ZNF280A: variants seen among roughly 807,000 people sequenced by gnomAD.
ZNF280A encodes the protein suppressor of hairy wing homolog 1.
A neutral mutation model predicts 35.9 loss-of-function variants in ZNF280A; 26 were observed. The observed-to-expected ratio is 0.72, with a 90% confidence interval of 0.53 to 1.01. ZNF280A has a LOEUF of 1.01. Among genes scored for constraint, ZNF280A ranks in the 50% least tolerant of loss-of-function variants. ZNF280A has a pLI of 0.00. For synonymous variants in ZNF280A, 231 were observed against 232.9 expected, an observed-to-expected ratio of 0.99 and a Z score of 0.07; for missense variants, 654 against 652.0, an observed-to-expected ratio of 1.00 and a Z score of -0.03.
Position 22,514,731 on chromosome 22 carries a change from G to A in ZNF280A, c.900C>T (p.Cys300=). Residue 300 remains cysteine, a synonymous_variant, in exon 2 of 2, where the codon TGC becomes TGT. Coordinates refer to ENST00000302097, the MANE Select transcript of ZNF280A (RefSeq NM_080740.5). ...PEQKTHTTFK[C]LSCVKVLKNI... ...TTTTTAGAACTTTCACGCAGCTGAG[G>A]CATTTAAAGGTGGTGTGAGTCTTCT... 6.2e-7 allele frequency: 1 copy of A among 1,613,914 alleles called. No individual in the cohort carries two copies. The highest frequency in any genetic ancestry group is 8.5e-7 in the Non-Finnish European group (1 of 1,179,966).
Position 22,514,316 on chromosome 22 carries a change from TG to T in ZNF280A, c.1314del (p.Tyr438Ter), listed in dbSNP as rs1243709554. On this transcript the variant is annotated frameshift_variant, in exon 2 of 2. Transcript: ENST00000302097. LOFTEE classifies it high-confidence loss of function. ...CLKLFKTAIPYMNHCWRHSRR... is the reference protein window; with the variant it reads ...CLKLFKTAIPXMNHCWRHSRR... Reference sequence around the variant, plus strand: ...CTGCTGTGCCTCCAACAATGATTCATGTATGGTATTGCAGTTTTGAAAAGTT... The same window carrying T: ...CTGCTGTGCCTCCAACAATGATTCATTATGGTATTGCAGTTTTGAAAAGTT... The T allele has an allele frequency of 1.9e-6, 3 of 1,613,828 alleles. No homozygotes were observed. The Admixed American group carries it at 5.0e-5, about 27-fold the overall frequency.
At position 22,516,296 on chromosome 22, in the gene ZNF280A, A is replaced by AACACACACACACACACACAC. The variant is rs1555948002; in HGVS notation, c.-71-596_-71-595insGTGTGTGTGTGTGTGTGTGT. ...ACAAACACACACACACACAAATCACAGCACACACACACACACACACCCTTT... is the reference window on the plus strand; with the variant it reads ...ACAAACACACACACACACAAATCACAACACACACACACACACACACGCACACACACACACACACACCCTTT... On this transcript the variant is annotated intron_variant, in intron 1 of 1. Coordinates refer to ENST00000302097, the MANE Select transcript of ZNF280A (RefSeq NM_080740.5). Among the ~76,000 whole-genome samples the AACACACACACACACACACAC allele has an allele frequency of 7.3e-4, 109 of 149,392 alleles. 1 individual carries two copies. Among genetic ancestry groups the AACACACACACACACACACAC allele is most frequent in the Middle Eastern group, 3.6e-3 (1 of 280 alleles).
At position 22,514,347 on chromosome 22, in the gene ZNF280A, A is replaced by G; in HGVS notation, c.1284T>C (p.Cys428=). The change falls in exon 2 of 2, where the codon TGT becomes TGC. Residue 428 remains cysteine, a synonymous_variant. Transcript: ENST00000302097. ...ENTKNLLCLF[C]LKLFKTAIPY... is the part of the protein sequence containing the mutation. ...GTATTGCAGTTTTGAAAAGTTTGAG[A>G]CAAAACAGACAAAGCAAATTCTTTG... The G allele has an allele frequency of 6.2e-7, 1 of 1,613,958 alleles. No homozygotes were observed. The highest frequency in any genetic ancestry group is 8.5e-7 in the Non-Finnish European group (1 of 1,179,982).
chr22:22,514,050 A>G lies in ZNF280A; in HGVS notation c.1581T>C (p.Ala527=), dbSNP rs555366909. ...GGAGTCTGGAATCTCTAGTGTTCAT[A>G]GCCGTCTTCTTTTTAGTTTTTACAG... ...SSPVKTKKKT[A]MNTRDSRLPC... Residue 527 remains alanine (A), a synonymous_variant, in exon 2 of 2, where the codon GCT becomes GCC. Coordinates refer to ENST00000302097, the MANE Select transcript of ZNF280A (RefSeq NM_080740.5). The G allele has an allele frequency of 2.3e-4, 366 of 1,606,876 alleles. 3 individuals are homozygous for G. The South Asian group carries it at 3.6e-3, about 16-fold the overall frequency.
Position 22,515,359 on chromosome 22 carries a change from T to A in ZNF280A, c.272A>T (p.Asn91Ile). 6.2e-7 allele frequency: 1 copy of A among 1,613,862 alleles called. No individual in the cohort carries two copies. The highest frequency in any genetic ancestry group is 8.5e-7 in the Non-Finnish European group (1 of 1,179,966). Residue 91 changes from asparagine to isoleucine, a missense_variant, in exon 2 of 2, where the codon AAT becomes ATT. Transcript: ENST00000302097. ...QYPAHVSQPANHVTSMAKAIM... is the reference protein window; with the variant it reads ...QYPAHVSQPAIHVTSMAKAIM... Reference sequence around the variant, plus strand: ...GGCTTTTGCCATAGAGGTCACATGATTTGCAGGCTGCGACACGTGAGCAGG... The same window carrying A: ...GGCTTTTGCCATAGAGGTCACATGAATTGCAGGCTGCGACACGTGAGCAGG...
Position 22,515,152 on chromosome 22 carries a change from T to A in ZNF280A, c.479A>T (p.Glu160Val). The change falls in exon 2 of 2, where the codon GAG (glutamate) becomes GTG (valine). Residue 160 changes from glutamate (E) to valine (V), a missense_variant. Transcript: ENST00000302097. ...GAMVSGGGRN[E>V]SSPDSKRLST... is the part of the protein sequence containing the mutation. The stretch of plus-strand genomic sequence containing the variant: ...AAGTCGCTTTGAATCAGGAGAACTC[T>A]CATTTCTGCCTCCTCCAGAGACCAT... The A allele has an allele frequency of 6.2e-7, 1 of 1,613,918 alleles. No homozygotes were observed. The highest frequency in any genetic ancestry group is 1.1e-5 in the South Asian group (1 of 91,070).
chr22:22,516,316 C>CACACACACACA (rs57127688), intron 1 of ZNF280A, among the ~76,000 whole-genome samples: 2 of 151,176 alleles, frequency 1.3e-5, no homozygotes, highest in Admixed American at 6.6e-5. Context: ...CACACACACA[C>CACACACACACA]CCTTTGCTGT....
intron 1 of ZNF280A, among the ~76,000 whole-genome samples, chr22:22,516,200 G>C (rs2062067252): frequency 6.6e-6 from 1 of 151,682 alleles, no homozygotes; most frequent in African/African-American, 2.4e-5. Flanking sequence ...AGGAACACTT[G>C]AGCCCAGGAC....
At chr22:22,515,799 A>G in intron 1 of ZNF280A, 98 bp from the exon 2 acceptor site, 1 of 1,107,058 alleles carries the variant, frequency 9.0e-7, no homozygotes, top group Non-Finnish European at 1.2e-6. Context: ...AACCATCAAC[A>G]TCTCTATTTT....
chr22:22,515,503 T>C lies in ZNF280A; in HGVS notation c.128A>G (p.Asp43Gly), dbSNP rs2062059342. The change falls in exon 2 of 2, where the codon GAT becomes GGT. Residue 43 changes from aspartate (D) to glycine (G), a missense_variant. By Grantham distance (94) the Asp-to-Gly change is moderately conservative. Transcript: ENST00000302097. ...CATCCCGACAAAGAGAACTTCAGCATCTCTATGTACATGCTCCACCCCAAC... is the reference window on the plus strand; with the variant it reads ...CATCCCGACAAAGAGAACTTCAGCACCTCTATGTACATGCTCCACCCCAAC... ...IYVGVEHVHR[D>G]AEVLFVGMIS... 1.2e-6 allele frequency: 2 copies of C among 1,613,762 alleles called. No homozygotes were observed. The highest frequency in any genetic ancestry group is 2.7e-5 in the African/African-American group (2 of 74,854).
chr22:22,517,304 C>G (rs361876), intron 1 of ZNF280A, among the ~76,000 whole-genome samples: 1 of 151,692 alleles, frequency 6.6e-6, no homozygotes, highest in African/African-American at 2.4e-5. Flanking sequence ...GTATGCCACA[C>G]GAGGGCAGGG....
At chr22:22,519,975 T>G (rs1463995329) in intron 1 of ZNF280A, 114 bp downstream of exon 1, 1 of 152,084 alleles carries the variant, frequency 6.6e-6, no homozygotes, top group Non-Finnish European at 1.5e-5. Flanking sequence ...CTACTGTAGT[T>G]GAAGCAGAGA....
chr22:22,516,424 A>C (rs553705383), intron 1 of ZNF280A, among the ~76,000 whole-genome samples: 1 of 151,892 alleles, frequency 6.6e-6, no homozygotes, highest in Non-Finnish European at 1.5e-5. Flanking sequence ...ACAGCCAATC[A>C]ATTAGCAAAG....
At chr22:22,516,221 T>G (rs2062067560) in intron 1 of ZNF280A, among the ~76,000 whole-genome samples, 1 of 151,668 alleles carries the variant, frequency 6.6e-6, no homozygotes, top group Admixed American at 6.6e-5. Context: ...TTCAAAGCTA[T>G]GTTCATGCCA....
Position 22,514,049 on chromosome 22 carries a change from T to C in ZNF280A, c.1582A>G (p.Met528Val), listed in dbSNP as rs535188479. The C allele has an allele frequency of 2.5e-6, 4 of 1,607,438 alleles. No homozygotes were observed. In the East Asian group the frequency reaches 6.7e-5, roughly 27 times the overall value. The change falls in exon 2 of 2, where the codon ATG (methionine) becomes GTG (valine). Residue 528 changes from methionine to valine, a missense_variant. Physicochemically the swap from Met to Val is conservative, Grantham distance 21. Coordinates refer to ENST00000302097, the MANE Select transcript of ZNF280A (RefSeq NM_080740.5). ...GGGAGTCTGGAATCTCTAGTGTTCA[T>C]AGCCGTCTTCTTTTTAGTTTTTACA... ...SPVKTKKKTA[M>V]NTRDSRLPCS... is the part of the protein sequence containing the mutation.
chr22:22,517,925 C>CTTT (rs1335980616), intron 1 of ZNF280A, among the ~76,000 whole-genome samples: 6 of 127,908 alleles, frequency 4.7e-5, no homozygotes, highest in East Asian at 2.4e-4. Flanking sequence ...TTGATGGCAT[C>CTTT]TTTTTTTTTT....
rs2146895900 is a variant in ZNF280A at position 22,515,362 on chromosome 22, G to T, written c.269C>A (p.Ala90Glu). Reference protein sequence around the residue: ...RQYPAHVSQPANHVTSMAKAI... With the variant: ...RQYPAHVSQPENHVTSMAKAI... Reference sequence around the variant, plus strand: ...TTTTGCCATAGAGGTCACATGATTTGCAGGCTGCGACACGTGAGCAGGATA... The same window carrying T: ...TTTTGCCATAGAGGTCACATGATTTTCAGGCTGCGACACGTGAGCAGGATA... The change falls in exon 2 of 2, where the codon GCA (alanine) becomes GAA (glutamate). Residue 90 changes from alanine to glutamate, a missense_variant. Transcript: ENST00000302097. 6.2e-7 allele frequency: 1 copy of T among 1,613,878 alleles called. No individual in the cohort carries two copies. The highest frequency in any genetic ancestry group is 8.5e-7 in the Non-Finnish European group (1 of 1,179,960).
chr22:22,516,034 C>T (rs529627749), intron 1 of ZNF280A, among the ~76,000 whole-genome samples: 1 of 151,806 alleles, frequency 6.6e-6, no homozygotes, highest in African/African-American at 2.4e-5. Flanking sequence ...AGGTTTCTAA[C>T]CAACTTGAAC....
At position 22,515,376 on chromosome 22, in the gene ZNF280A, G is replaced by A. The variant is rs745480683; in HGVS notation, c.255C>T (p.His85=). The part of the protein sequence containing the change: ...KKGHFRQYPA[H]VSQPANHVTS... ...TCACATGATTTGCAGGCTGCGACAC[G>A]TGAGCAGGATATTGACGGAAGTGGC... The change falls in exon 2 of 2, where the codon CAC becomes CAT. Residue 85 remains histidine, a synonymous_variant. Transcript: ENST00000302097. The A allele has an allele frequency of 7.9e-5, 127 of 1,613,798 alleles. No homozygotes were observed. Among genetic ancestry groups the A allele is most frequent in the Non-Finnish European group, 1.0e-4 (121 of 1,179,984 alleles).
Sources: allele counts gnomAD v4.1 joint callset (sites outside exome capture counted in the v4.1 genomes callset), GRCh38; gene constraint gnomAD v4.1.1; transcripts MANE v1.5; gene names NCBI Gene and HGNC (gene_info 2026-07-23, HGNC 2026-07-21).